ZNF346: variants seen among roughly 807,000 people sequenced by gnomAD.
ZNF346 encodes zinc finger protein 346, also known as double-stranded RNA-binding zinc finger protein JAZ.
In ZNF346, 23 loss-of-function variants were observed where a neutral mutation model predicts 33.7. The ratio of observed to expected loss-of-function variants is 0.68; its 90% CI spans 0.49 to 0.97. ZNF346 has a LOEUF of 0.97. ZNF346 is among the 50% of genes least tolerant of loss of function. ZNF346 has a pLI of 0.00. For missense variants in ZNF346, 340 were observed against 371.1 expected, an observed-to-expected ratio of 0.92 and a Z score of 0.69; for synonymous variants, 134 against 142.4, an observed-to-expected ratio of 0.94 and a Z score of 0.42.
At chr5:177,054,929 A>T (rs1781467155) in intron 5 of ZNF346, among the ~76,000 whole-genome samples, 1 of 152,090 alleles carries the variant, frequency 6.6e-6, no homozygotes, top group South Asian at 2.1e-4. Context: ...TAGGTTCTTT[A>T]TGGTAAAGAT....
chr5:177,060,382 G>A (rs147369253), intron 5 of ZNF346, among the ~76,000 whole-genome samples: 34 of 151,400 alleles, frequency 2.2e-4, no homozygotes, highest in African/African-American at 6.1e-4. Flanking sequence ...TTAGCCGGGC[G>A]TGGTGGTGCA....
intron 8 of ZNF346, among the ~76,000 whole-genome samples, chr5:177,074,894 G>C (rs1295730873): frequency 6.6e-6 from 1 of 151,060 alleles, no homozygotes; most frequent in Middle Eastern, 3.2e-3. Flanking sequence ...GGTGAAACCC[G>C]TCTCTACTAA....
At position 177,044,469 on chromosome 5, in the gene ZNF346, G is replaced by A. The variant is rs200470136; in HGVS notation, c.453G>A (p.Ser151=). 78 of 1,613,874 alleles carry A rather than the reference G, an allele frequency of 4.8e-5. 1 individual carries two copies. Among genetic ancestry groups the A allele is most frequent in the Middle Eastern group, 1.7e-4 (1 of 6,028 alleles). ...TTTCCTCCCCTGTCGTGGCCCAGTC[G>A]CACTACCTGGGGAAGACCCACGCAA... is the stretch of plus-strand genomic sequence containing the variant. ...MTFSSPVVAQ[S]HYLGKTHAKN... Residue 151 remains serine, a synonymous_variant, in exon 4 of 7, where the codon TCG becomes TCA. Coordinates refer to ENST00000358149, the MANE Select transcript of ZNF346 (RefSeq NM_012279.4).
chr5:177,061,335 C>G (rs935215293), intron 5 of ZNF346, among the ~76,000 whole-genome samples: 9 of 151,904 alleles, frequency 5.9e-5, no homozygotes, highest in Admixed American at 5.9e-4. Flanking sequence ...GTTCCAGCTA[C>G]TTGGGAGGCT....
intron 5 of ZNF346, among the ~76,000 whole-genome samples, chr5:177,061,296 T>G (rs1294787193): frequency 1.3e-5 from 2 of 151,346 alleles, no homozygotes; most frequent in African/African-American, 4.9e-5. Flanking sequence ...AATACAAAAA[T>G]TAGCTGGGTG....
chr5:177,053,347 CTGTA>C (rs1781230779), intron 5 of ZNF346, among the ~76,000 whole-genome samples: 1 of 149,366 alleles, frequency 6.7e-6, no homozygotes, highest in African/African-American at 2.5e-5. Context: ...AACAGGGTCT[CTGTA>C]TGTTGCCTAA....
Position 177,023,187 on chromosome 5 carries a change from T to C in ZNF346, c.175+274T>C, listed in dbSNP as rs1274135120. 2.7e-5 allele frequency: 41 copies of C among 1,536,498 alleles called. No individual in the cohort carries two copies. In the Admixed American group the frequency reaches 7.5e-4, roughly 28 times the overall value. ...CAGTTTTTCCCACATTCGAGGACTG[T>C]CATCCCTATACTCGTCCTGTCGGAG... On this transcript the variant is annotated intron_variant, in intron 1 of 6. Transcript: ENST00000358149.
rs532114522 is a variant in ZNF346, at chr5:177,079,133, G to A, written c.*3-249G>A. On this transcript the variant is annotated intron_variant, in intron 8 of 8. Coordinates refer to the ZNF346 transcript ENST00000503039. ...TAAAAATACAAAAAATTACCCAGCC[G>A]TGGTGGCTTACACCTGTAATCCCAG... 3.9e-5 allele frequency among the ~76,000 whole-genome samples: 6 copies of A among 151,968 alleles called. No individual in the cohort carries two copies. The East Asian group carries it at 7.7e-4, about 20-fold the overall frequency.
intron 5 of ZNF346, among the ~76,000 whole-genome samples, chr5:177,054,500 G>A (rs1190028084): frequency 6.6e-6 from 1 of 152,050 alleles, no homozygotes; most frequent in Non-Finnish European, 1.5e-5. Context: ...CCAGTTTCAA[G>A]CAATTCTCCT....
intron 4 of ZNF346, among the ~76,000 whole-genome samples, chr5:177,045,678 A>G (rs540045676): frequency 6.6e-6 from 1 of 151,884 alleles, no homozygotes; most frequent in African/African-American, 2.4e-5. Context: ...TTAAATAGAG[A>G]TGGCTTCTCA....
chr5:177,040,378 C>G (rs1317754818), intron 1 of ZNF346, among the ~76,000 whole-genome samples: 1 of 152,056 alleles, frequency 6.6e-6, no homozygotes. Flanking sequence ...CAGAGTCTAG[C>G]TCTGTCACCC....
At chr5:177,055,921 C>T (rs1362867220) in intron 5 of ZNF346, among the ~76,000 whole-genome samples, 3 of 151,912 alleles carry the variant, frequency 2.0e-5, no homozygotes, top group East Asian at 3.9e-4. Flanking sequence ...ATTAAAAATA[C>T]AAAAACTAGC....
downstream of ZNF346, among the ~76,000 whole-genome samples, chr5:177,068,488 G>A (rs115080822): frequency 2.5e-4 from 36 of 143,902 alleles, 5 homozygotes; most frequent in Admixed American, 4.7e-4. Context: ...TCCAAGAGGT[G>A]CCAAGGTGGC....
chr5:177,076,159 T>C (rs115002175), intron 8 of ZNF346, among the ~76,000 whole-genome samples: 1 of 152,186 alleles, frequency 6.6e-6, no homozygotes, highest in Admixed American at 6.5e-5. Flanking sequence ...GTGACAAGAA[T>C]CTGATGTCTG....
At chr5:177,069,849 A>G (rs1445900434), downstream of ZNF346, among the ~76,000 whole-genome samples, 1 of 151,654 alleles carries the variant, frequency 6.6e-6, no homozygotes, top group East Asian at 1.9e-4. Flanking sequence ...TTTTGTAGGG[A>G]TGGCGTCTCA....
intron 1 of ZNF346, 64 bp downstream of exon 1, chr5:177,022,977 G>A (rs1384432089): frequency 1.4e-6 from 2 of 1,441,378 alleles, no homozygotes; most frequent in Non-Finnish European, 1.8e-6. Context: ...GGGAACTGCG[G>A]AAGCGCCGAC....
intron 5 of ZNF346, among the ~76,000 whole-genome samples, chr5:177,061,723 A>C (rs1782576148): frequency 6.6e-6 from 1 of 152,218 alleles, no homozygotes; most frequent in Non-Finnish European, 1.5e-5. Context: ...GGACGTCCTT[A>C]ATGAGGCCAC....
At chr5:177,047,012 TA>T (rs199859052) in intron 4 of ZNF346, among the ~76,000 whole-genome samples, 54 of 149,708 alleles carry the variant, frequency 3.6e-4, no homozygotes, top group South Asian at 1.3e-3. Context: ...GTGGGGTTTT[TA>T]AAATTTTTTT....
At chr5:177,034,759 G>A (rs1389347621) in intron 1 of ZNF346, among the ~76,000 whole-genome samples, 1 of 152,178 alleles carries the variant, frequency 6.6e-6, no homozygotes, top group Non-Finnish European at 1.5e-5. Context: ...CCATACTTCT[G>A]TGCCTCTTGG....
Sources: gnomAD v4.1 joint callset for allele counts (sites outside exome capture counted in the v4.1 genomes callset) on GRCh38, gnomAD v4.1.1 for gene constraint, MANE v1.5 for transcripts, NCBI Gene and HGNC (gene_info 2026-07-23, HGNC 2026-07-21) for gene names.